The following SDCCAG8 variants were observed in gnomAD, a reference collection of about 807,000 sequenced individuals.
SDCCAG8 encodes the protein serologically defined colon cancer antigen 8.
Under a neutral mutation model 101.8 loss-of-function variants are expected in SDCCAG8, and 74 were observed. The observed-to-expected ratio is 0.73, with a 90% CI of 0.60 to 0.88. The LOEUF is 0.88. Ranked by LOEUF, SDCCAG8 falls within the 40% of genes least tolerant of loss-of-function variation. SDCCAG8 has a pLI of 0.00. For missense variants in SDCCAG8, 787 were observed against 822.6 expected (o/e 0.96, Z 0.53); for synonymous variants, 281 against 292.9 (o/e 0.96, Z 0.41).
At chr1:243,414,609 G>A (rs897430328) in intron 13 of SDCCAG8, among the ~76,000 whole-genome samples, 1 of 152,098 alleles carries the variant, frequency 6.6e-6, no homozygotes, top group African/African-American at 2.4e-5. Flanking sequence ...TTTATAATTA[G>A]AAGCCAGTGA....
At chr1:243,430,968 G>T (rs1431342765) in intron 16 of SDCCAG8, among the ~76,000 whole-genome samples, 2 of 152,152 alleles carry the variant, frequency 1.3e-5, no homozygotes, top group South Asian at 2.1e-4. Context: ...AGAGGCCGAG[G>T]TGTGTGGATC....
chr1:243,259,755 G>A (rs934738974), intron 1 of SDCCAG8, among the ~76,000 whole-genome samples: 1 of 151,684 alleles, frequency 6.6e-6, no homozygotes, highest in African/African-American at 2.4e-5. Flanking sequence ...GGAGGCGCAG[G>A]TTGCGGTGGG....
intron 6 of SDCCAG8, among the ~76,000 whole-genome samples, chr1:243,294,900 T>C (rs1354052363): frequency 2.0e-5 from 3 of 152,140 alleles, no homozygotes; most frequent in East Asian, 1.9e-4. Flanking sequence ...AGATTAACAC[T>C]GTAAATGGAA....
intron 13 of SDCCAG8, 94 bp downstream of exon 13, chr1:243,378,957 C>T: frequency 6.7e-7 from 1 of 1,501,888 alleles, no homozygotes; most frequent in Non-Finnish European, 9.3e-7. Context: ...TAGTCTTAGT[C>T]ATTCAATTCA....
intron 4 of SDCCAG8, among the ~76,000 whole-genome samples, chr1:243,275,370 T>G (rs1238593213): frequency 6.6e-6 from 1 of 152,148 alleles, no homozygotes; most frequent in South Asian, 2.1e-4. Flanking sequence ...ATCACTGATA[T>G]CTCTTGTATC....
intron 4 of SDCCAG8, among the ~76,000 whole-genome samples, chr1:243,276,369 C>G (rs777963090): frequency 5.3e-5 from 8 of 152,068 alleles, no homozygotes; most frequent in Non-Finnish European, 7.4e-5. Context: ...ATTACGGAAG[C>G]CTTGACTGTC....
chr1:243,467,553 A>C (rs1487867835), intron 16 of SDCCAG8, among the ~76,000 whole-genome samples: 1 of 152,252 alleles, frequency 6.6e-6, no homozygotes, highest in Non-Finnish European at 1.5e-5. Flanking sequence ...TCCACATTTG[A>C]GATCCACCCG....
intron 7 of SDCCAG8, chr1:243,306,220 T>C (rs753182463): frequency 6.6e-6 from 1 of 152,126 alleles, no homozygotes; most frequent in African/African-American, 2.4e-5. Context: ...AGATTTTTAC[T>C]TTTTTACAAA....
At chr1:243,349,409 G>C (rs2075956115) in intron 12 of SDCCAG8, among the ~76,000 whole-genome samples, 1 of 152,214 alleles carries the variant, frequency 6.6e-6, no homozygotes, top group Non-Finnish European at 1.5e-5. Context: ...GAGTTGAGGA[G>C]TTGTGGTAGA....
chr1:243,319,820 C>T (rs2073600080), intron 9 of SDCCAG8, among the ~76,000 whole-genome samples: 1 of 152,190 alleles, frequency 6.6e-6, no homozygotes, highest in Non-Finnish European at 1.5e-5. Context: ...TACTTCTACG[C>T]TAACATCCTG....
At chr1:243,467,027 C>T (rs1238487306) in intron 16 of SDCCAG8, among the ~76,000 whole-genome samples, 1 of 152,206 alleles carries the variant, frequency 6.6e-6, no homozygotes, top group Non-Finnish European at 1.5e-5. Flanking sequence ...TTCTAGATGC[C>T]TTCAAGATTT....
intron 15 of SDCCAG8, among the ~76,000 whole-genome samples, chr1:243,426,199 G>GA (rs36007562): frequency 0.047 from 7,122 of 152,176 alleles, 599 homozygotes; most frequent in African/African-American, 0.16. Flanking sequence ...ATTCCTTAGG[G>GA]AAGCCATTTC....
intron 14 of SDCCAG8, 36 bp downstream of exon 14, chr1:243,415,865 G>C: frequency 6.2e-7 from 1 of 1,609,798 alleles, no homozygotes; most frequent in South Asian, 1.1e-5. Flanking sequence ...CTGGGCACTA[G>C]CTCACAAGTC....
intron 5 of SDCCAG8, among the ~76,000 whole-genome samples, chr1:243,290,052 T>A (rs1432182378): frequency 6.6e-6 from 1 of 152,102 alleles, no homozygotes; most frequent in African/African-American, 2.4e-5. Context: ...TTCTCTAGAG[T>A]TCACAAAATC....
chr1:243,256,173 C>G lies in SDCCAG8; in HGVS notation c.-1C>G, dbSNP rs1470309029. The G allele has an allele frequency of 2.5e-6, 4 of 1,613,882 alleles. No individual in the cohort carries two copies. Among genetic ancestry groups the G allele is most frequent in the Non-Finnish European group, 1.7e-6 (2 of 1,179,724 alleles). On this transcript the variant is annotated 5_prime_UTR_variant, in exon 1 of 18. Coordinates refer to ENST00000366541, the MANE Select transcript of SDCCAG8 (RefSeq NM_006642.5). ...CCCAGCTCTGGGCCTAGAGTGCGTG[C>G]ATGGCGAAGTCCCCGGAGAACTCTA...
At chr1:243,384,590 C>CCCA (rs2078158440) in intron 13 of SDCCAG8, among the ~76,000 whole-genome samples, 1 of 149,350 alleles carries the variant, frequency 6.7e-6, no homozygotes, top group African/African-American at 2.5e-5. Flanking sequence ...TGTTTAAAAA[C>CCCA]CACACACACA....
At chr1:243,333,140 A>G (rs982621531) in intron 10 of SDCCAG8, among the ~76,000 whole-genome samples, 5 of 152,184 alleles carry the variant, frequency 3.3e-5, no homozygotes, top group African/African-American at 1.2e-4. Context: ...CCCAGTCTGA[A>G]TGGGAAAGGT....
At chr1:243,346,730 G>T (rs1013001046) in intron 12 of SDCCAG8, among the ~76,000 whole-genome samples, 2 of 152,116 alleles carry the variant, frequency 1.3e-5, no homozygotes, top group Non-Finnish European at 1.5e-5. Flanking sequence ...CAACTCCTTT[G>T]TATCTCTTCA....
chr1:243,432,628 A>C (rs946599684), intron 16 of SDCCAG8, among the ~76,000 whole-genome samples: 2 of 152,206 alleles, frequency 1.3e-5, no homozygotes, highest in South Asian at 4.1e-4. Flanking sequence ...ACAAATCATG[A>C]AATTGTTTTT....
Sources: gnomAD v4.1 joint callset for allele counts (sites outside exome capture counted in the v4.1 genomes callset) on GRCh38, gnomAD v4.1.1 for gene constraint, MANE v1.5 for transcripts, NCBI Gene and HGNC (gene_info 2026-07-23, HGNC 2026-07-21) for gene names.